The following NEB variants were observed in gnomAD, a reference collection of about 807,000 sequenced individuals.
NEB encodes the protein nebulin.
A neutral mutation model predicts 952.2 loss-of-function variants in NEB; 512 were observed. The ratio of observed to expected loss-of-function variants is 0.54; its 90% CI spans 0.50 to 0.58. The LOEUF (loss-of-function observed/expected upper bound fraction) is 0.58. Among genes scored for constraint, NEB ranks in the 20% least tolerant of loss-of-function variants. NEB has a pLI of 0.00. For synonymous variants in NEB, 2,900 were observed against 3,149.8 expected (o/e 0.92, Z 2.66); for missense variants, 8,428 against 9,231.1 (o/e 0.91, Z 3.56).
intron 40 of NEB, among the ~76,000 whole-genome samples, chr2:151,667,158 A>C (rs909397859): frequency 1.3e-5 from 2 of 149,452 alleles, no homozygotes; most frequent in African/African-American, 4.9e-5. Flanking sequence ...CTGGTTTTCC[A>C]TATTTCTATT....
intron 20 of NEB, among the ~76,000 whole-genome samples, chr2:151,693,594 T>C (rs1195252728): frequency 6.6e-6 from 1 of 152,198 alleles, no homozygotes. Context: ...AAGGACATGA[T>C]CTGATTCCAT....
intron 52 of NEB, among the ~76,000 whole-genome samples, chr2:151,653,422 T>C (rs1046756028): frequency 9.9e-5 from 15 of 152,158 alleles, no homozygotes; most frequent in African/African-American, 3.6e-4. Flanking sequence ...GGAGAGTGAA[T>C]CTATGAACTT....
At chr2:151,688,427 G>A (rs1268517311) in intron 24 of NEB, 31 bp from the exon 25 acceptor site, 2 of 1,552,960 alleles carry the variant, frequency 1.3e-6, no homozygotes, top group East Asian at 2.2e-5. Flanking sequence ...GAACGGTTCA[G>A]GGGAACTTCT....
Position 151,492,487 on chromosome 2 carries a change from TA to T in NEB, c.24772del (p.Tyr8258IlefsTer22), listed in dbSNP as rs746430269. ...RNQENISSVL[Y>X]SDSFRKQIQG... ...TATTTGTTTCCGGAAACTATCAGAA[TA>T]AAGAACCTGATGCAGGAGAGACCGT... On this transcript the variant is annotated frameshift_variant, in exon 177 of 182. Transcript: ENST00000397345. LOFTEE classifies it high-confidence loss of function. The T allele has an allele frequency of 1.2e-6, 2 of 1,610,756 alleles. No individual in the cohort carries two copies. Among genetic ancestry groups the T allele is most frequent in the Non-Finnish European group, 1.7e-6 (2 of 1,177,336 alleles).
Position 151,734,426 on chromosome 2 carries a change from C to G in NEB, c.-142G>C, listed in dbSNP as rs1459810021. 2.0e-5 allele frequency: 3 copies of G among 152,168 alleles called. No homozygotes were observed. Among genetic ancestry groups the G allele is most frequent in the African/African-American group, 4.8e-5 (2 of 41,446 alleles). 9.4% of individuals were successfully genotyped at this position (152,168 alleles called of 1,614,324 possible). ...CAATCTACCAAATAAATTTCCTCAGCAGCAAAGCCTCTCCCAACTCTCCCC... is the reference window on the plus strand; with the variant it reads ...CAATCTACCAAATAAATTTCCTCAGGAGCAAAGCCTCTCCCAACTCTCCCC... On this transcript the variant is annotated 5_prime_UTR_variant, in exon 1 of 182. Coordinates refer to ENST00000397345, the MANE Select transcript of NEB (RefSeq NM_001164508.2).
chr2:151,635,438 A>G (rs1560760747), intron 64 of NEB, among the ~76,000 whole-genome samples: 1 of 152,008 alleles, frequency 6.6e-6, no homozygotes, highest in Non-Finnish European at 1.5e-5. Context: ...TAAGAGTGTG[A>G]CCTCACGCTT....
chr2:151,610,844 TC>T lies in NEB; in HGVS notation c.11827del (p.Asp3943MetfsTer9). ...CACGTGGATGGAGGTTTTGTCAGCA[TC>T]CCAAGCTTCTGTGTATAAATGCTAC... Reference protein sequence around the residue: ...MSKHLYTEAWDADKTSIHVMP... With the variant: ...MSKHLYTEAWXADKTSIHVMP... On this transcript the variant is annotated frameshift_variant, in exon 79 of 182. Transcript: ENST00000397345. LOFTEE classifies it high-confidence loss of function. 1 of 1,598,044 alleles carries T rather than the reference TC, an allele frequency of 6.3e-7. No homozygotes were observed. Among genetic ancestry groups the T allele is most frequent in the Non-Finnish European group, 8.5e-7 (1 of 1,171,518 alleles).
Position 151,624,614 on chromosome 2 carries a change from A to T in NEB, c.10452+920T>A, listed in dbSNP as rs138175786. On this transcript the variant is annotated intron_variant, in intron 71 of 181. Transcript: ENST00000397345. ...CCTCTCCATTTTTTAAGGCTACATT[A>T]TTATAGGCAAAAGTAATTATTATGG... Among the ~76,000 whole-genome samples, 18 of 152,282 alleles carry T rather than the reference A, an allele frequency of 1.2e-4. 1 individual carries two copies. In the East Asian group the frequency reaches 3.5e-3, roughly 29 times the overall value.
At chr2:151,711,226 C>G (rs2099744227) in intron 10 of NEB, among the ~76,000 whole-genome samples, 1 of 152,110 alleles carries the variant, frequency 6.6e-6, no homozygotes, top group African/African-American at 2.4e-5. Context: ...AAACTGAGAC[C>G]ATGATATGCG....
At chr2:151,727,365 G>C (rs938337275) in intron 5 of NEB, among the ~76,000 whole-genome samples, 2 of 152,134 alleles carry the variant, frequency 1.3e-5, no homozygotes, top group Admixed American at 1.3e-4. Flanking sequence ...TAGCTTCTGT[G>C]AACTGGCCTA....
At chr2:151,665,226 A>G (rs1334959760) in intron 42 of NEB, 107 bp downstream of exon 42, 1 of 1,073,848 alleles carries the variant, frequency 9.3e-7, no homozygotes, top group African/African-American at 1.6e-5. Flanking sequence ...CACCGGCACG[A>G]AGACGATCAG....
chr2:151,667,381 C>T (rs997217082), intron 40 of NEB, among the ~76,000 whole-genome samples: 3 of 151,980 alleles, frequency 2.0e-5, no homozygotes, highest in African/African-American at 7.2e-5. Context: ...TTTCTTCTAA[C>T]AACTTTATTA....
Position 151,549,666 on chromosome 2 carries a change from G to A in NEB, c.20019C>T (p.His6673=), listed in dbSNP as rs374881368. The change falls in exon 130 of 182, where the codon CAC becomes CAT. Residue 6673 remains histidine, a synonymous_variant. Transcript: ENST00000397345. ...TGCTCATGTAACGGGTGTCCTTGAT[G>A]TGTTTGAAGTGAGGAGTGTCACCTG... ...RLPGDTPHFK[H]IKDTRYMSSY... 9.4e-6 allele frequency: 15 copies of A among 1,600,896 alleles called. No individual in the cohort carries two copies. The highest frequency in any genetic ancestry group is 1.7e-4 in the Middle Eastern group (1 of 6,060).
At chr2:151,569,459 T>C (rs1014600163) in intron 109 of NEB, 87 bp from the exon 110 acceptor site, 16 of 1,008,772 alleles carry the variant, frequency 1.6e-5, no homozygotes, top group Middle Eastern at 2.0e-4. Context: ...AGAAATACAA[T>C]GTAAATGCTA....
At chr2:151,510,166 T>C (rs2072989261) in intron 161 of NEB, among the ~76,000 whole-genome samples, 2 of 152,198 alleles carry the variant, frequency 1.3e-5, no homozygotes, top group Non-Finnish European at 1.5e-5. Flanking sequence ...ACTCGTATGT[T>C]GTCTCCTGCT....
intron 55 of NEB, among the ~76,000 whole-genome samples, chr2:151,645,578 T>A (rs536921322): frequency 2.0e-5 from 3 of 152,340 alleles, no homozygotes; most frequent in Non-Finnish European, 4.4e-5. Flanking sequence ...CTTGTGTTTA[T>A]CTGTCAGTCC....
At chr2:151,673,708 T>C (rs1173484962) in intron 36 of NEB, among the ~76,000 whole-genome samples, 2 of 150,748 alleles carry the variant, frequency 1.3e-5, no homozygotes, top group Admixed American at 6.7e-5. Context: ...AGGGCATGCA[T>C]GCTTTCTAAA....
At chr2:151,616,499 GC>G (rs1179786916) in intron 75 of NEB, among the ~76,000 whole-genome samples, 2 of 152,126 alleles carry the variant, frequency 1.3e-5, no homozygotes, top group African/African-American at 4.8e-5. Context: ...GAAGAGACCA[GC>G]CTGGCCAACA....
At chr2:151,507,422 C>G (rs1205608718) in intron 162 of NEB, among the ~76,000 whole-genome samples, 1 of 152,134 alleles carries the variant, frequency 6.6e-6, no homozygotes, top group African/African-American at 2.4e-5. Context: ...TCTGTTTTTT[C>G]CTGAAGCAGA....
Sources: gnomAD v4.1 joint callset for allele counts (sites outside exome capture counted in the v4.1 genomes callset) on GRCh38, gnomAD v4.1.1 for gene constraint, MANE v1.5 for transcripts, NCBI Gene and HGNC (gene_info 2026-07-23, HGNC 2026-07-21) for gene names.